The following KCNH5 variants were observed in gnomAD, a reference collection of about 807,000 sequenced individuals.
KCNH5 encodes voltage-gated delayed rectifier potassium channel KCNH5.
A neutral mutation model predicts 96.1 loss-of-function variants in KCNH5; 46 were observed. The ratio of observed to expected loss-of-function variants is 0.48; its 90% CI spans 0.38 to 0.61. The LOEUF (loss-of-function observed/expected upper bound fraction) is 0.61, where lower values mean the gene tolerates loss of function less well. Ranked by LOEUF, KCNH5 falls within the 20% of genes least tolerant of loss-of-function variation. KCNH5 has a pLI of 0.00. For synonymous variants in KCNH5, 439 were observed against 449.8 expected (o/e 0.98, Z 0.30); for missense variants, 907 against 1,225.8 (o/e 0.74, Z 3.88).
chr14:62,762,151 G>A (rs1885764727), intron 10 of KCNH5, among the ~76,000 whole-genome samples: 1 of 152,072 alleles, frequency 6.6e-6, no homozygotes, highest in Non-Finnish European at 1.5e-5. Flanking sequence ...AGTTTGGCTT[G>A]GGAAAGTCAG....
intron 3 of KCNH5, among the ~76,000 whole-genome samples, chr14:63,001,863 G>A (rs1891017235): frequency 6.6e-6 from 1 of 152,100 alleles, no homozygotes; most frequent in Admixed American, 6.5e-5. Flanking sequence ...CTCTCGTCAT[G>A]TCACTTTGAC....
intron 7 of KCNH5, among the ~76,000 whole-genome samples, chr14:62,895,798 A>C (rs1003416128): frequency 1.3e-5 from 2 of 152,208 alleles, no homozygotes; most frequent in Non-Finnish European, 2.9e-5. Context: ...CTTAGACTCC[A>C]AAGACATATT....
chr14:62,755,656 C>T (rs564611448), intron 10 of KCNH5, among the ~76,000 whole-genome samples: 43 of 152,134 alleles, frequency 2.8e-4, no homozygotes, highest in African/African-American at 8.4e-4. Context: ...AGGAAGCAAG[C>T]GAGCAAACTA....
chr14:62,964,502 T>C (rs1303937079), intron 6 of KCNH5, among the ~76,000 whole-genome samples: 2 of 152,000 alleles, frequency 1.3e-5, no homozygotes, highest in Non-Finnish European at 2.9e-5. Context: ...CAATTTAAAC[T>C]GTCCACATAT....
At chr14:62,995,114 G>A (rs146816566) in intron 4 of KCNH5, among the ~76,000 whole-genome samples, 30 of 152,164 alleles carry the variant, frequency 2.0e-4, no homozygotes, top group African/African-American at 6.0e-4. Context: ...AAAATTCAGA[G>A]TGAGTCCATT....
chr14:62,986,716 C>T (rs1024988263), intron 5 of KCNH5, among the ~76,000 whole-genome samples: 1 of 152,116 alleles, frequency 6.6e-6, no homozygotes, highest in African/African-American at 2.4e-5. Context: ...GATGACAGGG[C>T]CCATTTCTTA....
chr14:63,039,808 G>A (rs1206682814), intron 1 of KCNH5, among the ~76,000 whole-genome samples: 1 of 151,174 alleles, frequency 6.6e-6, no homozygotes, highest in Admixed American at 6.6e-5. Flanking sequence ...TTTCCTGCAT[G>A]TCTTACATTT....
intron 7 of KCNH5, among the ~76,000 whole-genome samples, chr14:62,892,322 A>G (rs1028027973): frequency 3.3e-5 from 5 of 152,240 alleles, no homozygotes; most frequent in African/African-American, 1.2e-4. Context: ...TAAGCCAAAG[A>G]CTAAGCCAGA....
intron 9 of KCNH5, among the ~76,000 whole-genome samples, chr14:62,797,893 T>G: frequency 6.6e-6 from 1 of 151,966 alleles, no homozygotes; most frequent in East Asian, 1.9e-4. Context: ...ATTTTTGTAT[T>G]TTTAGTAGAG....
chr14:62,833,740 C>T (rs973331454), intron 8 of KCNH5, among the ~76,000 whole-genome samples: 3 of 151,994 alleles, frequency 2.0e-5, no homozygotes, highest in Non-Finnish European at 4.4e-5. Context: ...TTTGCCCATA[C>T]AGGTAAATAT....
At chr14:62,977,538 T>C (rs939806076) in intron 6 of KCNH5, among the ~76,000 whole-genome samples, 1 of 152,016 alleles carries the variant, frequency 6.6e-6, no homozygotes, top group Admixed American at 6.5e-5. Flanking sequence ...AAACCTAAAA[T>C]TGACAAACCA....
At chr14:62,747,340 G>GAA (rs552138344) in intron 10 of KCNH5, among the ~76,000 whole-genome samples, 1 of 133,942 alleles carries the variant, frequency 7.5e-6, no homozygotes, top group Non-Finnish European at 1.6e-5. Flanking sequence ...TGTCTCAAAA[G>GAA]AAAAAAAAAA....
chr14:63,034,290 T>C (rs1375127627), intron 1 of KCNH5, among the ~76,000 whole-genome samples: 1 of 152,180 alleles, frequency 6.6e-6, no homozygotes, highest in Non-Finnish European at 1.5e-5. Context: ...AGAACAGTAA[T>C]AGTGGAAAAA....
At chr14:62,984,761 GA>G (rs998948739) in intron 5 of KCNH5, among the ~76,000 whole-genome samples, 46 of 141,718 alleles carry the variant, frequency 3.2e-4, no homozygotes, top group African/African-American at 4.7e-4. Context: ...ACAGAGCAAA[GA>G]AAAAAAAAAC....
chr14:62,843,259 A>G (rs1157942951), intron 8 of KCNH5, among the ~76,000 whole-genome samples: 1 of 152,186 alleles, frequency 6.6e-6, no homozygotes, highest in African/African-American at 2.4e-5. Flanking sequence ...GAAGTTGAAC[A>G]CAATATCCAA....
intron 8 of KCNH5, among the ~76,000 whole-genome samples, chr14:62,834,632 A>G (rs1015545675): frequency 4.6e-5 from 7 of 152,014 alleles, no homozygotes; most frequent in African/African-American, 1.7e-4. Context: ...AGAGATCTAA[A>G]AAGTCTTAAG....
intron 10 of KCNH5, among the ~76,000 whole-genome samples, chr14:62,745,904 A>G (rs1885365718): frequency 6.6e-6 from 1 of 152,184 alleles, no homozygotes; most frequent in African/African-American, 2.4e-5. Context: ...TTCCTGTGAC[A>G]TGGACATAAG....
At chr14:62,722,205 G>A (rs918039112) in intron 10 of KCNH5, among the ~76,000 whole-genome samples, 3 of 152,118 alleles carry the variant, frequency 2.0e-5, no homozygotes, top group African/African-American at 7.2e-5. Flanking sequence ...ACTTGCCTGA[G>A]GCCATTAAAT....
chr14:62,954,584 C>T (rs1043235721), intron 6 of KCNH5, among the ~76,000 whole-genome samples: 1 of 152,116 alleles, frequency 6.6e-6, no homozygotes, highest in Admixed American at 6.6e-5. Flanking sequence ...ATGTAGAGAA[C>T]AAAACAGTCA....
Sources: gnomAD v4.1 joint callset for allele counts (sites outside exome capture counted in the v4.1 genomes callset) on GRCh38, gnomAD v4.1.1 for gene constraint, MANE v1.5 for transcripts, NCBI Gene and HGNC (gene_info 2026-07-23, HGNC 2026-07-21) for gene names.